LMOD2: variants seen among roughly 807,000 people sequenced by gnomAD.
The protein encoded by LMOD2 is leiomodin 2, also known as leiomodin-2.
A neutral mutation model predicts 41.7 loss-of-function variants in LMOD2; 27 were observed. The ratio of observed to expected loss-of-function variants is 0.65; its 90% CI spans 0.48 to 0.89. The LOEUF (loss-of-function observed/expected upper bound fraction) is 0.89, where lower values mean the gene tolerates loss of function less well. Among genes scored for constraint, LMOD2 ranks in the 40% least tolerant of loss-of-function variants. The probability of loss-of-function intolerance (pLI) is 0.00; values close to 1 mark genes in which losing one functional copy is unlikely to be tolerated. For synonymous variants in LMOD2, 251 were observed against 244.6 expected (o/e 1.03, Z -0.25); for missense variants, 624 against 667.9 (o/e 0.93, Z 0.72).
At chr7:123,659,788 G>C (rs1802843979) in intron 1 of LMOD2, among the ~76,000 whole-genome samples, 2 of 152,168 alleles carry the variant, frequency 1.3e-5, no homozygotes, top group African/African-American at 2.4e-5. Flanking sequence ...ATGCGTCTGA[G>C]GGATATTTGG....
chr7:123,659,217 C>A (rs1802837377), intron 1 of LMOD2, among the ~76,000 whole-genome samples: 1 of 152,186 alleles, frequency 6.6e-6, no homozygotes, highest in Non-Finnish European at 1.5e-5. Flanking sequence ...TTGTCCAGTC[C>A]CTTGCCATCT....
At position 123,655,894 on chromosome 7, in the gene LMOD2, C is replaced by A; in HGVS notation, c.-70C>A. ...TGTTGACCAGCCTGCCACTTGCCTC[C>A]CTGCCTGCTTCTGGCCGCCTTGAAT... On this transcript the variant is annotated 5_prime_UTR_variant, in exon 1 of 3. Transcript: ENST00000458573. 2 of 1,459,162 alleles carry A rather than the reference C, an allele frequency of 1.4e-6. No individual in the cohort carries two copies. The highest frequency in any genetic ancestry group is 1.3e-5 in the South Asian group (1 of 75,488). The allele number at this position is 1,459,162 out of a possible 1,614,324, so 90.4% of individuals were successfully genotyped here. A position where few individuals can be genotyped will look rare whatever the true frequency, so the allele number is the denominator to read the frequency against.
In LMOD2 at chr7:123,663,076, A is replaced by G. The variant is rs749378384; in HGVS notation, c.1490A>G (p.Lys497Arg). Reference sequence around the variant, plus strand: ...CCAAACAGTATTCTAAAGGAAATAAAAAATTCTCTGAGGTCAGTGCAAGAG... The same window carrying G: ...CCAAACAGTATTCTAAAGGAAATAAGAAATTCTCTGAGGTCAGTGCAAGAG... ...KQPNSILKEI[K>R]NSLRSVQEKK... Residue 497 changes from lysine to arginine, a missense_variant, in exon 2 of 3, where the codon AAA becomes AGA. Lys to Arg is a conservative substitution (Grantham distance 26). Transcript: ENST00000458573. The G allele has an allele frequency of 1.9e-6, 3 of 1,559,060 alleles. No homozygotes were observed. Among genetic ancestry groups the G allele is most frequent in the Non-Finnish European group, 2.6e-6 (3 of 1,151,294 alleles).
rs1474920088 is a variant in LMOD2 at position 123,663,152 on chromosome 7, T to G, written c.1566T>G (p.His522Gln). Residue 522 changes from histidine (H) to glutamine (Q), a missense_variant, in exon 2 of 3, where the codon CAT (histidine) becomes CAG (glutamine). Transcript: ENST00000458573. ...SRPSTPQRSA[H>Q]ENLMEAIRGS... is the part of the protein sequence containing the mutation. ...CTTCTACCCCACAGAGATCAGCTCA[T>G]GAGAATCTCATGGAAGCAATTCGGG... 1 of 1,570,930 alleles carries G rather than the reference T, an allele frequency of 6.4e-7. No homozygotes were observed. The highest frequency in any genetic ancestry group is 8.6e-7 in the Non-Finnish European group (1 of 1,157,760).
intron 1 of LMOD2, among the ~76,000 whole-genome samples, chr7:123,658,925 A>G (rs1792860800): frequency 1.3e-5 from 2 of 152,080 alleles, no homozygotes; most frequent in Admixed American, 1.3e-4. Flanking sequence ...AAAACTTAAG[A>G]ACCGCTCAAC....
chr7:123,661,905 G>C lies in LMOD2; in HGVS notation c.319G>C (p.Glu107Gln), dbSNP rs1802879703. 1 of 1,547,584 alleles carries C rather than the reference G, an allele frequency of 6.5e-7. No homozygotes were observed. Residue 107 changes from glutamate (E) to glutamine (Q), a missense_variant, in exon 2 of 3, where the codon GAA (glutamate) becomes CAA (glutamine). Physicochemically the swap from Glu to Gln is conservative, Grantham distance 29 (BLOSUM62 2). Coordinates refer to ENST00000458573, the MANE Select transcript of LMOD2 (RefSeq NM_207163.3). ...AAGTGAAGAAGAGCTTATCTTTACT[G>C]AAAGTAACAGTGAGGTTTCTGAGGA... ...EESEEELIFT[E>Q]SNSEVSEEVY...
At position 123,662,534 on chromosome 7, in the gene LMOD2, G is replaced by C. The variant is rs1357340877; in HGVS notation, c.948G>C (p.Met316Ile). 1 of 1,613,652 alleles carries C rather than the reference G, an allele frequency of 6.2e-7. No individual in the cohort carries two copies. The highest frequency in any genetic ancestry group is 8.5e-7 in the Non-Finnish European group (1 of 1,179,852). The change falls in exon 2 of 3, where the codon ATG becomes ATC. Residue 316 changes from methionine to isoleucine, a missense_variant. Coordinates refer to ENST00000458573, the MANE Select transcript of LMOD2 (RefSeq NM_207163.3). The surrounding 1 kb of genome is among the most constrained non-coding windows in gnomAD (Gnocchi z 4.0). ...QRHIMGSQVE[M>I]EIVKLLKENT... ...ACATCATGGGCAGCCAGGTGGAAAT[G>C]GAGATTGTCAAGCTGCTGAAGGAGA...
intron 1 of LMOD2, among the ~76,000 whole-genome samples, chr7:123,658,700 C>A (rs1429444397): frequency 6.6e-6 from 1 of 152,110 alleles, no homozygotes; most frequent in Non-Finnish European, 1.5e-5. Context: ...TGAGACAAGG[C>A]AAGGTTAAGA....
rs945534583 is a variant in LMOD2 at position 123,663,799 on chromosome 7, G to A, written c.*54G>A. On this transcript the variant is annotated 3_prime_UTR_variant, in exon 3 of 3. Coordinates refer to ENST00000458573, the MANE Select transcript of LMOD2 (RefSeq NM_207163.3). Reference sequence around the variant, plus strand: ...ACTGTTCAGTGGTATTACATGAAATGCATTGTGAGATGTTTCTAAAATACC... The same window carrying A: ...ACTGTTCAGTGGTATTACATGAAATACATTGTGAGATGTTTCTAAAATACC... The A allele has an allele frequency of 1.4e-6, 2 of 1,442,798 alleles. No individual in the cohort carries two copies. The highest frequency in any genetic ancestry group is 9.5e-7 in the Non-Finnish European group (1 of 1,051,314). 89.4% of individuals were successfully genotyped at this position (1,442,798 alleles called of 1,614,324 possible). A position where few individuals can be genotyped will look rare whatever the true frequency, so the allele number is the denominator to read the frequency against.
intron 1 of LMOD2, among the ~76,000 whole-genome samples, chr7:123,656,792 C>A (rs1222458643): frequency 1.3e-5 from 2 of 152,070 alleles, no homozygotes; most frequent in African/African-American, 4.8e-5. Context: ...GCTCTGTTCC[C>A]ACATCTTTAG....
At position 123,663,932 on chromosome 7, in the gene LMOD2, A is replaced by G; in HGVS notation, c.*187A>G. The G allele has an allele frequency of 1.7e-6, 1 of 583,002 alleles. No individual in the cohort carries two copies. The highest frequency in any genetic ancestry group is 2.5e-5 in the South Asian group (1 of 39,612). The allele number at this position is 583,002 out of a possible 1,614,324, so 36.1% of individuals were successfully genotyped here. A position where few individuals can be genotyped will look rare whatever the true frequency, so the allele number is the denominator to read the frequency against. On this transcript the variant is annotated 3_prime_UTR_variant, in exon 3 of 3. Coordinates refer to ENST00000458573, the MANE Select transcript of LMOD2 (RefSeq NM_207163.3). The stretch of plus-strand genomic sequence containing the variant: ...GTTTCTTCTGTAAATATGAAAATAA[A>G]TTTCTTTTTTATGTCGTGAGATTTG...
At chr7:123,659,547 C>G (rs1246251740) in intron 1 of LMOD2, among the ~76,000 whole-genome samples, 1 of 152,206 alleles carries the variant, frequency 6.6e-6, no homozygotes, top group Admixed American at 6.5e-5. Context: ...GGGTTTATCA[C>G]CTTTCTCCTG....
At position 123,662,270 on chromosome 7, in the gene LMOD2, C is replaced by T; in HGVS notation, c.684C>T (p.Thr228=). The T allele has an allele frequency of 6.2e-7, 1 of 1,613,964 alleles. No homozygotes were observed. The part of the protein sequence containing the change: ...LNNIENITTQ[T]LTRFAEALKD... ...ACATTGAGAACATCACAACACAGACCCTTACCCGCTTTGCTGAAGCCCTCA... is the reference window on the plus strand; with the variant it reads ...ACATTGAGAACATCACAACACAGACTCTTACCCGCTTTGCTGAAGCCCTCA... Residue 228 remains threonine (T), a synonymous_variant, in exon 2 of 3, where the codon ACC becomes ACT. Transcript: ENST00000458573. This position sits in a 1 kb window ranked among gnomAD's most constrained non-coding sequence, Gnocchi z 4.0.
chr7:123,661,614 C>T (rs79428715), intron 1 of LMOD2, among the ~76,000 whole-genome samples: 2,605 of 152,166 alleles, frequency 0.017, 73 homozygotes, highest in African/African-American at 0.059. Flanking sequence ...TATTTTTATT[C>T]AATAAGTTGA....
At chr7:123,659,973 G>GC (rs1206908503) in intron 1 of LMOD2, among the ~76,000 whole-genome samples, 1 of 152,074 alleles carries the variant, frequency 6.6e-6, no homozygotes, top group Non-Finnish European at 1.5e-5. Context: ...GTCATACAAG[G>GC]CCGTATACCT....
At chr7:123,663,606 G>A in intron 2 of LMOD2, 113 bp from the exon 3 acceptor site, 1 of 838,474 alleles carries the variant, frequency 1.2e-6, no homozygotes, top group Non-Finnish European at 1.9e-6. Context: ...TTACCATGCA[G>A]CAATAATCAA....
chr7:123,661,408 G>A (rs943930222), intron 1 of LMOD2, among the ~76,000 whole-genome samples: 1 of 152,198 alleles, frequency 6.6e-6, no homozygotes. Flanking sequence ...GTATATTTTT[G>A]TTGTCATTTG....
At chr7:123,658,734 G>T (rs1428612200) in intron 1 of LMOD2, among the ~76,000 whole-genome samples, 1 of 152,198 alleles carries the variant, frequency 6.6e-6, no homozygotes, top group Non-Finnish European at 1.5e-5. Context: ...TTAAGAGCTT[G>T]TACATAGAAG....
At position 123,662,504 on chromosome 7, in the gene LMOD2, G is replaced by A; in HGVS notation, c.918G>A (p.Gln306=). Residue 306 remains glutamine, a synonymous_variant, in exon 2 of 3, where the codon CAG becomes CAA. Transcript: ENST00000458573. This position sits in a 1 kb window ranked among gnomAD's most constrained non-coding sequence, Gnocchi z 4.0. ...TVLTELRFHN[Q]RHIMGSQVEM... is the part of the protein sequence containing the mutation. ...TCACGGAGCTGCGTTTCCATAACCAGAGGCACATCATGGGCAGCCAGGTGG... is the reference window on the plus strand; with the variant it reads ...TCACGGAGCTGCGTTTCCATAACCAAAGGCACATCATGGGCAGCCAGGTGG... 6.2e-7 allele frequency: 1 copy of A among 1,613,858 alleles called. No individual in the cohort carries two copies. The highest frequency in any genetic ancestry group is 8.5e-7 in the Non-Finnish European group (1 of 1,179,878).
Sources: allele counts gnomAD v4.1 joint callset (sites outside exome capture counted in the v4.1 genomes callset), GRCh38; gene constraint gnomAD v4.1.1; non-coding constraint Gnocchi (gnomAD v3.1); transcripts MANE v1.5; gene names NCBI Gene and HGNC (gene_info 2026-07-23, HGNC 2026-07-21).